The following DLX2 variants were observed in gnomAD, a reference collection of about 807,000 sequenced individuals.
DLX2 encodes distal-less homeobox 2.
Under a neutral mutation model 27.4 loss-of-function variants are expected in DLX2, and 8 were observed. That is an observed-to-expected ratio of 0.29 (90% CI 0.17 to 0.53). DLX2 has a LOEUF of 0.53. Among genes scored for constraint, DLX2 ranks in the 20% least tolerant of loss-of-function variants. The probability of loss-of-function intolerance (pLI) is 0.96; values close to 1 mark genes in which losing one functional copy is unlikely to be tolerated. For synonymous variants in DLX2, 210 were observed against 200.8 expected, an observed-to-expected ratio of 1.05 and a Z score of -0.39; for missense variants, 421 against 450.9, an observed-to-expected ratio of 0.93 and a Z score of 0.60.
Position 172,100,728 on chromosome 2 carries a change from T to TGGAGACCGAGCTGCCGGCGCC in DLX2, c.801_802insGGCGCCGGCAGCTCGGTCTCC (p.Ser267_Ser268insGlyAlaGlySerSerValSer), listed in dbSNP as rs1392159121. 1 of 1,548,636 alleles carries TGGAGACCGAGCTGCCGGCGCC rather than the reference T, an allele frequency of 6.5e-7. No homozygotes were observed. The highest frequency in any genetic ancestry group is 2.4e-5 in the East Asian group (1 of 41,784). ...AAAGCCGAGGCCGCGCTGCTCGGGC[T>TGGAGACCGAGCTGCCGGCGCC]GGAGCCCGAGCTGCCGGCGCCGCTG... On this transcript the variant is annotated inframe_insertion, in exon 3 of 3. Coordinates refer to ENST00000234198, the MANE Select transcript of DLX2 (RefSeq NM_004405.4). The surrounding 1 kb of genome is among the most constrained non-coding windows in gnomAD (Gnocchi z 4.5).
rs760753513 is a variant in DLX2, at chr2:172,100,880, G to A, written c.650C>T (p.Pro217Leu). The change falls in exon 3 of 3, where the codon CCC becomes CTC. Residue 217 changes from proline (P) to leucine (L), a missense_variant. This residue lies in a region of DLX2 where 185 missense variants were observed against 171.1 expected (regional missense o/e 1.08). Transcript: ENST00000234198. This position sits in a 1 kb window ranked among gnomAD's most constrained non-coding sequence, Gnocchi z 4.5. ...GCTGGCCCCAGGGTGCTGCTCCGAG[G>A]GGATCTCACCACTTTTCCACATCTT... ...FKKMWKSGEI[P>L]SEQHPGASAS... is the part of the protein sequence containing the mutation. 2.5e-6 allele frequency: 4 copies of A among 1,613,034 alleles called. No homozygotes were observed. The East Asian group carries it at 6.7e-5, about 27-fold the overall frequency.
intron 1 of DLX2, among the ~76,000 whole-genome samples, 174 bp from the exon 2 acceptor site, chr2:172,101,820 G>C (rs768111801): frequency 7.9e-5 from 12 of 152,262 alleles, no homozygotes; most frequent in Middle Eastern, 3.2e-3. Context: ...CACCGACCCC[G>C]GGAGCTGTAC....
At position 172,102,788 on chromosome 2, in the gene DLX2, A is replaced by G. The variant is rs1574163888; in HGVS notation, c.-250T>C. 1 of 193,604 alleles carries G rather than the reference A, an allele frequency of 5.2e-6. No individual in the cohort carries two copies. The highest frequency in any genetic ancestry group is 9.6e-6 in the Non-Finnish European group (1 of 103,846). 12.0% of individuals were successfully genotyped at this position (193,604 alleles called of 1,614,324 possible). ...CCCGCTCGGCTCCTTGCCCAGCGCG[A>G]GCGCGGGCTCTGGCGGGGGGCGGGC... is the stretch of plus-strand genomic sequence containing the variant. On this transcript the variant is annotated 5_prime_UTR_variant, in exon 1 of 3. Transcript: ENST00000234198.
In DLX2 at chr2:172,100,500, T is replaced by C; in HGVS notation, c.*43A>G. 1 of 1,509,730 alleles carries C rather than the reference T, an allele frequency of 6.6e-7. No individual in the cohort carries two copies. The highest frequency in any genetic ancestry group is 8.8e-7 in the Non-Finnish European group (1 of 1,134,828). 93.5% of individuals were successfully genotyped at this position (1,509,730 alleles called of 1,614,324 possible). A position where few individuals can be genotyped will look rare whatever the true frequency, so the allele number is the denominator to read the frequency against. On this transcript the variant is annotated 3_prime_UTR_variant, in exon 3 of 3. Transcript: ENST00000234198. This position sits in a 1 kb window ranked among gnomAD's most constrained non-coding sequence, Gnocchi z 4.5. ...CCCGGCTCGGGGTAAGCAATGAGGA[T>C]AAGTGGTCTCTGCTCTCAGTCTCTG...
chr2:172,101,741 A>G, intron 1 of DLX2, 95 bp from the exon 2 acceptor site: 3 of 1,360,732 alleles, frequency 2.2e-6, no homozygotes, highest in African/African-American at 1.4e-5. Context: ...TGGCTTGAGC[A>G]AAGAGGTGGG....
intron 1 of DLX2, 132 bp downstream of exon 1, chr2:172,102,007 G>A (rs1691166825): frequency 3.3e-5 from 48 of 1,440,040 alleles, no homozygotes; most frequent in Non-Finnish European, 4.3e-5. Context: ...GGAGGGTAAA[G>A]GGCACAAGCG....
chr2:172,102,452 G>T lies in DLX2; in HGVS notation c.87C>A (p.Pro29=). 1.9e-6 allele frequency: 3 copies of T among 1,549,934 alleles called. No individual in the cohort carries two copies. The highest frequency in any genetic ancestry group is 8.7e-7 in the Non-Finnish European group (1 of 1,146,618). Residue 29 remains proline (P), a synonymous_variant, in exon 1 of 3, where the codon CCC becomes CCA. Transcript: ENST00000234198. The part of the protein sequence containing the change: ...ASSTYHQHQQ[P]PSGGGAGPGG... ...CCGGGCCGGCGCCGCCGCCGCTCGG[G>T]GGCTGCTGGTGCTGGTGGTACGTGC...
At position 172,100,638 on chromosome 2, in the gene DLX2, G is replaced by T. The variant is rs757063841; in HGVS notation, c.892C>A (p.Pro298Thr). The T allele has an allele frequency of 3.8e-6, 6 of 1,565,118 alleles. No homozygotes were observed. Among genetic ancestry groups the T allele is most frequent in the Non-Finnish European group, 5.2e-6 (6 of 1,161,418 alleles). ...GSASHLQATA[P>T]LLHPTQTPQP... ...GGGGTCTGAGTGGGGTGCAGCAGCG[G>T]CGCCGTGGCCTGCAGGTGTGAGGCG... Residue 298 changes from proline (P) to threonine (T), a missense_variant, in exon 3 of 3, where the codon CCG (proline) becomes ACG (threonine). Coordinates refer to ENST00000234198, the MANE Select transcript of DLX2 (RefSeq NM_004405.4). This position sits in a 1 kb window ranked among gnomAD's most constrained non-coding sequence, Gnocchi z 4.5.
At chr2:172,101,350 A>C in intron 2 of DLX2, 112 bp downstream of exon 2, 2 of 1,249,862 alleles carry the variant, frequency 1.6e-6, no homozygotes, top group Non-Finnish European at 2.2e-6. Context: ...GCAGGCCTGG[A>C]AATCCTTAAA....
chr2:172,100,942 G>A lies in DLX2; in HGVS notation c.588C>T (p.Val196=). The A allele has an allele frequency of 1.3e-5, 21 of 1,611,472 alleles. No individual in the cohort carries two copies. Among genetic ancestry groups the A allele is most frequent in the Non-Finnish European group, 1.8e-5 (21 of 1,179,532 alleles). Residue 196 remains valine (V), a splice_region_variant and synonymous_variant, in exon 3 of 3, where the codon GTC becomes GTT. Coordinates refer to ENST00000234198, the MANE Select transcript of DLX2 (RefSeq NM_004405.4). The surrounding 1 kb of genome is among the most constrained non-coding windows in gnomAD (Gnocchi z 4.5). ...AASLGLTQTQ[V]KIWFQNRRSK... ...ACCGGCGGTTCTGGAACCAGATTTT[G>A]ACCTTTGAGGAAAAAGACCTGAGCA... is the stretch of plus-strand genomic sequence containing the variant.
chr2:172,100,503 G>A lies in DLX2; in HGVS notation c.*40C>T. ...GGCTCGGGGTAAGCAATGAGGATAA[G>A]TGGTCTCTGCTCTCAGTCTCTGGCG... On this transcript the variant is annotated 3_prime_UTR_variant, in exon 3 of 3. Transcript: ENST00000234198. The surrounding 1 kb of genome is among the most constrained non-coding windows in gnomAD (Gnocchi z 4.5). The A allele has an allele frequency of 6.6e-7, 1 of 1,512,888 alleles. No individual in the cohort carries two copies. The highest frequency in any genetic ancestry group is 8.8e-7 in the Non-Finnish European group (1 of 1,136,892). The allele number at this position is 1,512,888 out of a possible 1,614,324, so 93.7% of individuals were successfully genotyped here. A position where few individuals can be genotyped will look rare whatever the true frequency, so the allele number is the denominator to read the frequency against.
chr2:172,101,979 C>A (rs989818767), intron 1 of DLX2, among the ~76,000 whole-genome samples, 160 bp downstream of exon 1: 41 of 152,238 alleles, frequency 2.7e-4, no homozygotes, highest in African/African-American at 9.4e-4. Flanking sequence ...CGGCGACCTG[C>A]GGCAGATTGG....
chr2:172,100,738 G>C lies in DLX2; in HGVS notation c.792C>G (p.Ser264Arg), dbSNP rs1487760762. 3 of 1,549,322 alleles carry C rather than the reference G, an allele frequency of 1.9e-6. No individual in the cohort carries two copies. The highest frequency in any genetic ancestry group is 2.6e-6 in the Non-Finnish European group (3 of 1,152,352). The change falls in exon 3 of 3, where the codon AGC (serine) becomes AGG (arginine). Residue 264 changes from serine to arginine, a missense_variant. Transcript: ENST00000234198. The surrounding 1 kb of genome is among the most constrained non-coding windows in gnomAD (Gnocchi z 4.5). ...CCGCGCTGCTCGGGCTGGAGCCCGA[G>C]CTGCCGGCGCCGCTGCCGCCACTGC... is the stretch of plus-strand genomic sequence containing the variant. Reference protein sequence around the residue: ...GPGSGGSGAGSSGSSPSSAAS... With the variant: ...GPGSGGSGAGRSGSSPSSAAS...
chr2:172,100,629 G>C lies in DLX2; in HGVS notation c.901C>G (p.His301Asp). Residue 301 changes from histidine to aspartate, a missense_variant, in exon 3 of 3, where the codon CAC becomes GAC. By Grantham distance (81) the His-to-Asp change is moderately conservative. Transcript: ENST00000234198. The surrounding 1 kb of genome is among the most constrained non-coding windows in gnomAD (Gnocchi z 4.5). ...SHLQATAPLLHPTQTPQPHHH... is the reference protein window; with the variant it reads ...SHLQATAPLLDPTQTPQPHHH... ...TGCGGCTGCGGGGTCTGAGTGGGGT[G>C]CAGCAGCGGCGCCGTGGCCTGCAGG... The C allele has an allele frequency of 6.4e-7, 1 of 1,566,250 alleles. No individual in the cohort carries two copies. Among genetic ancestry groups the C allele is most frequent in the Non-Finnish European group, 8.6e-7 (1 of 1,161,614 alleles).
Position 172,100,150 on chromosome 2 carries a change from C to G in DLX2, c.*393G>C, listed in dbSNP as rs1216703204. On this transcript the variant is annotated 3_prime_UTR_variant, in exon 3 of 3. Coordinates refer to ENST00000234198, the MANE Select transcript of DLX2 (RefSeq NM_004405.4). This position sits in a 1 kb window ranked among gnomAD's most constrained non-coding sequence, Gnocchi z 4.5. ...AGGGGAGCGGGCGAGGAGAAAGAAG[C>G]CTCAGAGCGCCCGGGAAGCCTCGCG... is the stretch of plus-strand genomic sequence containing the variant. 5.7e-6 allele frequency: 1 copy of G among 175,192 alleles called. No individual in the cohort carries two copies. The highest frequency in any genetic ancestry group is 1.2e-5 in the Non-Finnish European group (1 of 83,658). The allele number at this position is 175,192 out of a possible 1,614,324, so 10.9% of individuals were successfully genotyped here. A position where few individuals can be genotyped will look rare whatever the true frequency, so the allele number is the denominator to read the frequency against.
chr2:172,102,780 C>T lies in DLX2; in HGVS notation c.-242G>A, dbSNP rs142494682. On this transcript the variant is annotated 5_prime_UTR_variant, in exon 1 of 3. Transcript: ENST00000234198. ...CCTCTGGGCCCGCTCGGCTCCTTGCCCAGCGCGAGCGCGGGCTCTGGCGGG... is the reference window on the plus strand; with the variant it reads ...CCTCTGGGCCCGCTCGGCTCCTTGCTCAGCGCGAGCGCGGGCTCTGGCGGG... 9.1e-3 allele frequency: 4,037 copies of T among 444,514 alleles called. 33 individuals carry two copies. Among genetic ancestry groups the T allele is most frequent in the Non-Finnish European group, 0.012 (3,135 of 254,716 alleles). 27.5% of individuals were successfully genotyped at this position (444,514 alleles called of 1,614,324 possible). A position where few individuals can be genotyped will look rare whatever the true frequency, so the allele number is the denominator to read the frequency against.
At chr2:172,101,722 G>A in intron 1 of DLX2, 76 bp from the exon 2 acceptor site, 1 of 1,485,968 alleles carries the variant, frequency 6.7e-7, no homozygotes, top group Non-Finnish European at 9.2e-7. Flanking sequence ...GGGCCCGGCG[G>A]GGGGGACTTG....
chr2:172,102,116 C>A (rs899615277), intron 1 of DLX2, 23 bp downstream of exon 1: 6 of 1,605,738 alleles, frequency 3.7e-6, no homozygotes, highest in Non-Finnish European at 5.1e-6. Context: ...ACTCGGCACT[C>A]TTGACTTCAG....
chr2:172,101,192 G>A (rs1414107298), intron 2 of DLX2: 8 of 611,728 alleles, frequency 1.3e-5, no homozygotes, highest in Non-Finnish European at 2.3e-5. Context: ...ACAGCGGGAG[G>A]GTGAGGAGGG....
Sources: allele counts gnomAD v4.1 joint callset (sites outside exome capture counted in the v4.1 genomes callset), GRCh38; gene constraint gnomAD v4.1.1; regional missense constraint gnomAD v4.1.1; non-coding constraint Gnocchi (gnomAD v3.1); transcripts MANE v1.5; gene names NCBI Gene and HGNC (gene_info 2026-07-23, HGNC 2026-07-21).